DCC: variants seen among roughly 807,000 people sequenced by gnomAD.
DCC encodes the protein netrin receptor DCC.
DCC carries 58 observed loss-of-function variants against 172.5 expected under a neutral mutation model. The ratio of observed to expected loss-of-function variants is 0.34; its 90% CI spans 0.27 to 0.42. DCC has a LOEUF of 0.42. Ranked by LOEUF, DCC falls within the 10% of genes least tolerant of loss-of-function variation. DCC has a pLI of 1.00. For synonymous variants in DCC, 709 were observed against 644.5 expected (o/e 1.10, Z -1.52); for missense variants, 1,740 against 1,791.0 (o/e 0.97, Z 0.51).
intron 1 of DCC, among the ~76,000 whole-genome samples, chr18:52,647,920 A>G (rs1172877101): frequency 1.3e-5 from 2 of 152,228 alleles, no homozygotes; most frequent in Non-Finnish European, 2.9e-5. Flanking sequence ...AATAAATACA[A>G]GAAAAACTGG....
At chr18:53,398,479 T>C (rs1909094637) in intron 18 of DCC, among the ~76,000 whole-genome samples, 1 of 152,122 alleles carries the variant, frequency 6.6e-6, no homozygotes, top group Admixed American at 6.6e-5. Flanking sequence ...CACAGCTTCT[T>C]AGGGTTAATA....
chr18:53,486,710 A>G lies in DCC; in HGVS notation c.3737-87A>G, dbSNP rs1288614175. On this transcript the variant is annotated intron_variant, in intron 25 of 28. Coordinates refer to ENST00000442544, the MANE Select transcript of DCC (RefSeq NM_005215.4). ...ACTATGAAGAGTGTGTATAGATTTG[A>G]GGATCTGAAAATTCCACCGTTTTCT... The G allele has an allele frequency of 2.6e-6, 4 of 1,566,876 alleles. No individual in the cohort carries two copies. In the South Asian group the frequency reaches 3.3e-5, roughly 13 times the overall value.
At chr18:52,509,159 T>G (rs1257324441) in intron 1 of DCC, among the ~76,000 whole-genome samples, 1 of 152,216 alleles carries the variant, frequency 6.6e-6, no homozygotes, top group Non-Finnish European at 1.5e-5. Flanking sequence ...AAATTTTGCA[T>G]TTGAATTGAA....
At chr18:53,283,818 C>G (rs2056901416) in intron 12 of DCC, among the ~76,000 whole-genome samples, 1 of 152,120 alleles carries the variant, frequency 6.6e-6, no homozygotes, top group South Asian at 2.1e-4. Context: ...TTCTCATGAA[C>G]TCTGGTATGA....
intron 15 of DCC, among the ~76,000 whole-genome samples, chr18:53,384,462 C>G (rs766200618): frequency 6.6e-6 from 1 of 151,914 alleles, no homozygotes; most frequent in Non-Finnish European, 1.5e-5. Context: ...ATTATCTGTA[C>G]GTTAGATCTT....
chr18:52,991,595 T>TTGTGAAA (rs2041393017), intron 5 of DCC, among the ~76,000 whole-genome samples: 1 of 152,172 alleles, frequency 6.6e-6, no homozygotes, highest in South Asian at 2.1e-4. Flanking sequence ...TTTCACCCAT[T>TTGTGAAA]CCCTCTTTGT....
At chr18:52,413,594 G>A (rs1489290125) in intron 1 of DCC, among the ~76,000 whole-genome samples, 1 of 52,178 alleles carries the variant, frequency 1.9e-5, no homozygotes, top group Admixed American at 1.4e-4. Flanking sequence ...CATATGTTCT[G>A]ATAGTTATTA....
At chr18:52,886,698 T>C (rs1202230754) in intron 2 of DCC, among the ~76,000 whole-genome samples, 1 of 152,122 alleles carries the variant, frequency 6.6e-6, no homozygotes, top group Admixed American at 6.5e-5. Context: ...TTCAAGACTA[T>C]CTCCTACCCT....
At chr18:52,662,339 T>C (rs1030649655) in intron 1 of DCC, among the ~76,000 whole-genome samples, 1 of 151,850 alleles carries the variant, frequency 6.6e-6, no homozygotes, top group African/African-American at 2.4e-5. Flanking sequence ...GAGGAGGAAA[T>C]GATAATAGAA....
intron 22 of DCC, among the ~76,000 whole-genome samples, chr18:53,436,742 T>G (rs947912321): frequency 1.3e-5 from 2 of 152,192 alleles, no homozygotes; most frequent in African/African-American, 4.8e-5. Flanking sequence ...ATGTTTAAAC[T>G]TTGAGTCCAT....
intron 5 of DCC, among the ~76,000 whole-genome samples, chr18:53,006,049 A>G (rs2041640960): frequency 6.6e-6 from 1 of 152,124 alleles, no homozygotes; most frequent in Non-Finnish European, 1.5e-5. Context: ...AGATAGGATT[A>G]TTTCTGTGGT....
chr18:52,883,397 C>A (rs1213373069), intron 2 of DCC, among the ~76,000 whole-genome samples: 1 of 135,076 alleles, frequency 7.4e-6, no homozygotes, highest in Admixed American at 7.4e-5. Context: ...TGTGTGAGAT[C>A]TCTTTCTGTC....
Position 53,046,096 on chromosome 18 carries a change from A to C in DCC, c.986-17209A>C, listed in dbSNP as rs375255989. 1.1e-4 allele frequency among the ~76,000 whole-genome samples: 17 copies of C among 152,036 alleles called. No individual in the cohort carries two copies. In the South Asian group the frequency reaches 1.7e-3, roughly 15 times the overall value. On this transcript the variant is annotated intron_variant, in intron 5 of 28. Coordinates refer to ENST00000442544, the MANE Select transcript of DCC (RefSeq NM_005215.4). The stretch of plus-strand genomic sequence containing the variant: ...TAGATAACTAAACACTCTTTTGGCC[A>C]AAATATAGGAATGAAAAGACAAATA...
At chr18:53,375,681 G>A (rs988889758) in intron 15 of DCC, among the ~76,000 whole-genome samples, 4 of 143,498 alleles carry the variant, frequency 2.8e-5, no homozygotes, top group African/African-American at 1.0e-4. Context: ...TTGGTTATAA[G>A]GTCTCTGGTT....
intron 9 of DCC, among the ~76,000 whole-genome samples, chr18:53,182,883 G>A (rs552681693): frequency 1.4e-4 from 22 of 152,070 alleles, no homozygotes; most frequent in African/African-American, 4.6e-4. Flanking sequence ...GAGAAAATGC[G>A]AGGGCTGGTT....
chr18:52,541,794 C>T (rs2144703793), intron 1 of DCC, among the ~76,000 whole-genome samples: 1 of 149,962 alleles, frequency 6.7e-6, no homozygotes, highest in South Asian at 2.1e-4. Context: ...GAATCTATGG[C>T]TTTGGTCTTG....
At chr18:52,538,824 T>C (rs1373721970) in intron 1 of DCC, among the ~76,000 whole-genome samples, 1 of 152,202 alleles carries the variant, frequency 6.6e-6, no homozygotes, top group Non-Finnish European at 1.5e-5. Context: ...TTATCTGTTC[T>C]CCTTTTGTAC....
intron 8 of DCC, 46 bp downstream of exon 8, chr18:53,157,558 T>C (rs374617278): frequency 1.1e-5 from 17 of 1,601,434 alleles, no homozygotes; most frequent in Non-Finnish European, 1.4e-5. Context: ...GTCATCTCTT[T>C]AAGTCAATAC....
At chr18:53,498,464 C>T (rs2046053454) in intron 26 of DCC, among the ~76,000 whole-genome samples, 1 of 150,158 alleles carries the variant, frequency 6.7e-6, no homozygotes, top group African/African-American at 2.5e-5. Context: ...GACCTGTTAA[C>T]TTTGAATATG....
Sources: allele counts gnomAD v4.1 joint callset (sites outside exome capture counted in the v4.1 genomes callset), GRCh38; gene constraint gnomAD v4.1.1; transcripts MANE v1.5; gene names NCBI Gene and HGNC (gene_info 2026-07-23, HGNC 2026-07-21).